Variants in CHCHD3 observed in about 807,000 individuals in gnomAD.
CHCHD3 encodes MICOS complex subunit MIC19.
In CHCHD3, 20 loss-of-function variants were observed where a neutral mutation model predicts 38.2. The observed-to-expected ratio is 0.52, with a 90% CI of 0.37 to 0.76. The LOEUF (loss-of-function observed/expected upper bound fraction) is 0.76, where lower values mean the gene tolerates loss of function less well. CHCHD3 is among the 30% of genes least tolerant of loss of function. The pLI is 0.00. For synonymous variants in CHCHD3, 82 were observed against 100.0 expected, an observed-to-expected ratio of 0.82 and a Z score of 1.07; for missense variants, 245 against 279.2, an observed-to-expected ratio of 0.88 and a Z score of 0.87.
intron 3 of CHCHD3, among the ~76,000 whole-genome samples, chr7:133,004,735 T>A (rs573321978): frequency 1.3e-5 from 2 of 152,214 alleles, no homozygotes; most frequent in African/African-American, 2.4e-5. Flanking sequence ...CAAACTTTTT[T>A]AAATAACATA....
intron 5 of CHCHD3, among the ~76,000 whole-genome samples, chr7:132,860,158 A>T (rs905693477): frequency 2.0e-5 from 3 of 152,080 alleles, no homozygotes; most frequent in Admixed American, 2.0e-4. Context: ...CTGTAGTCCC[A>T]GCTACTCTGG....
chr7:133,035,179 G>A lies in CHCHD3; in HGVS notation c.170-10552C>T, dbSNP rs1442078909. ...GCAGCCGCCTTTTTCTCCTCCTTCC[G>A]CTCAGCCTGGGGCTTCTGCTTCTCT... On this transcript the variant is annotated intron_variant, in intron 2 of 7. Transcript: ENST00000262570. This position sits in a 1 kb window ranked among gnomAD's most constrained non-coding sequence, Gnocchi z 4.7. 3.7e-6 allele frequency: 6 copies of A among 1,613,632 alleles called. No homozygotes were observed. Among genetic ancestry groups the A allele is most frequent in the Non-Finnish European group, 5.1e-6 (6 of 1,179,670 alleles).
rs556797025 is a variant in CHCHD3 at position 133,013,419 on chromosome 7, G to C, written c.251+11127C>G. ...CTTCATCTACAAAGTGAGGAGACTA[G>C]CAGGTCAGAACCTGCCCCATAGGGC... On this transcript the variant is annotated intron_variant, in intron 3 of 7. Transcript: ENST00000262570. 1.4e-4 allele frequency among the ~76,000 whole-genome samples: 21 copies of C among 152,244 alleles called. No homozygotes were observed. The South Asian group carries it at 4.1e-3, about 30-fold the overall frequency.
At chr7:132,831,680 T>C (rs1807655353) in intron 6 of CHCHD3, among the ~76,000 whole-genome samples, 1 of 152,202 alleles carries the variant, frequency 6.6e-6, no homozygotes, top group African/African-American at 2.4e-5. Context: ...TAAATTTACC[T>C]GATTAAACTT....
rs111240766 is a variant in CHCHD3, at chr7:133,010,649, G to A, written c.251+13897C>T. The stretch of plus-strand genomic sequence containing the variant: ...GCTAAAGTGCAGTGGCGTGATCTCG[G>A]CTTACTACAACCTCTGGCTCCCAGG... On this transcript the variant is annotated intron_variant, in intron 3 of 7. Transcript: ENST00000262570. Among the ~76,000 whole-genome samples the A allele has an allele frequency of 3.9e-5, 6 of 152,186 alleles. 1 individual carries two copies. Among genetic ancestry groups the A allele is most frequent in the African/African-American group, 1.4e-4 (6 of 41,522 alleles).
intron 2 of CHCHD3, among the ~76,000 whole-genome samples, chr7:133,028,614 C>A (rs1007945890): frequency 6.6e-6 from 1 of 151,724 alleles, no homozygotes; most frequent in Admixed American, 6.6e-5. Context: ...AGGCCAGGTG[C>A]GGTGGCTCAC....
intron 4 of CHCHD3, among the ~76,000 whole-genome samples, chr7:132,952,513 A>G (rs1381515855): frequency 2.0e-5 from 3 of 152,240 alleles, no homozygotes; most frequent in Non-Finnish European, 4.4e-5. Context: ...AAAGAATCAA[A>G]TAGTAAACAA....
intron 3 of CHCHD3, among the ~76,000 whole-genome samples, chr7:133,020,737 A>G (rs1813155558): frequency 6.6e-6 from 1 of 152,196 alleles, no homozygotes; most frequent in African/African-American, 2.4e-5. Flanking sequence ...ATAAGAGTGG[A>G]GCAATCTTTT....
In CHCHD3 at chr7:132,900,926, C is replaced by T. The variant is rs1009706054; in HGVS notation, c.370-15181G>A. Among the ~76,000 whole-genome samples the T allele has an allele frequency of 2.0e-5, 3 of 151,942 alleles. No individual in the cohort carries two copies. In the East Asian group the frequency reaches 5.8e-4, roughly 29 times the overall value. On this transcript the variant is annotated intron_variant, in intron 4 of 7. Transcript: ENST00000262570. Reference sequence around the variant, plus strand: ...GAATTGCTTGAACCGGGGAGGCGGACGTTGCAGTGAGCCGAGATAGCACCA... The same window carrying T: ...GAATTGCTTGAACCGGGGAGGCGGATGTTGCAGTGAGCCGAGATAGCACCA...
chr7:133,025,103 T>G (rs909449808), intron 2 of CHCHD3, among the ~76,000 whole-genome samples: 2 of 152,228 alleles, frequency 1.3e-5, no homozygotes, highest in East Asian at 1.9e-4. Flanking sequence ...ATTTTTCCAT[T>G]ATTTATGAAA....
At chr7:132,893,602 T>C (rs1218489000) in intron 4 of CHCHD3, among the ~76,000 whole-genome samples, 1 of 152,180 alleles carries the variant, frequency 6.6e-6, no homozygotes, top group Non-Finnish European at 1.5e-5. Context: ...TGGCTCTGTG[T>C]CCCTACCCAA....
At chr7:132,833,181 C>T (rs1015670010) in intron 6 of CHCHD3, among the ~76,000 whole-genome samples, 1 of 152,126 alleles carries the variant, frequency 6.6e-6, no homozygotes, top group African/African-American at 2.4e-5. Context: ...TGAGCTGTAA[C>T]ATTACTAGCG....
intron 3 of CHCHD3, among the ~76,000 whole-genome samples, chr7:132,980,664 C>T (rs1270401356): frequency 1.3e-5 from 2 of 152,170 alleles, no homozygotes; most frequent in Admixed American, 1.3e-4. Context: ...TATTGTCAAT[C>T]AGGCGAGGGA....
chr7:132,973,963 G>A (rs1219316520), intron 4 of CHCHD3: 29 of 1,286,538 alleles, frequency 2.3e-5, no homozygotes, highest in Non-Finnish European at 2.9e-5. Flanking sequence ...TTTCTAGGAA[G>A]GCCGAAGTGG....
intron 4 of CHCHD3, among the ~76,000 whole-genome samples, chr7:132,933,255 G>A (rs75838629): frequency 7.0e-4 from 106 of 152,274 alleles, no homozygotes; most frequent in Non-Finnish European, 1.3e-3. Context: ...ATCTCATTAT[G>A]GTGACTCAAA....
At chr7:132,987,472 C>T (rs1047847214) in intron 3 of CHCHD3, among the ~76,000 whole-genome samples, 10 of 152,164 alleles carry the variant, frequency 6.6e-5, no homozygotes, top group African/African-American at 1.9e-4. Flanking sequence ...CAAGATGGAC[C>T]TTGGAGAAAT....
intron 3 of CHCHD3, among the ~76,000 whole-genome samples, chr7:133,014,940 C>T (rs557751514): frequency 1.3e-5 from 2 of 152,108 alleles, no homozygotes; most frequent in Middle Eastern, 3.2e-3. Flanking sequence ...ACATACTCCC[C>T]GCTGTACTAT....
intron 1 of CHCHD3, among the ~76,000 whole-genome samples, chr7:133,074,524 T>C (rs1814920464): frequency 6.6e-6 from 1 of 152,098 alleles, no homozygotes; most frequent in Non-Finnish European, 1.5e-5. Flanking sequence ...TGACTCAATT[T>C]ATACTTGAGA....
At chr7:132,790,388 C>T (rs1806426617) in intron 7 of CHCHD3, among the ~76,000 whole-genome samples, 3 of 151,942 alleles carry the variant, frequency 2.0e-5, no homozygotes, top group South Asian at 4.1e-4. Flanking sequence ...TTCTATTAAA[C>T]TCAGATTTAA....
Sources: gnomAD v4.1 joint callset for allele counts (sites outside exome capture counted in the v4.1 genomes callset) on GRCh38, gnomAD v4.1.1 for gene constraint, Gnocchi (gnomAD v3.1) non-coding constraint, MANE v1.5 for transcripts, NCBI Gene and HGNC (gene_info 2026-07-23, HGNC 2026-07-21) for gene names.